SPINT2: variants seen among roughly 807,000 people sequenced by gnomAD.
The protein encoded by SPINT2 is serine peptidase inhibitor, Kunitz type 2.
Under a neutral mutation model 30.1 loss-of-function variants are expected in SPINT2, and 18 were observed. The ratio of observed to expected loss-of-function variants is 0.60; its 90% CI spans 0.41 to 0.89. The LOEUF (loss-of-function observed/expected upper bound fraction) is 0.89, where lower values mean the gene tolerates loss of function less well. SPINT2 is among the 40% of genes least tolerant of loss of function. The probability of loss-of-function intolerance (pLI) is 0.00; values close to 1 mark genes in which losing one functional copy is unlikely to be tolerated. For synonymous variants in SPINT2, 139 were observed against 137.9 expected (o/e 1.01, Z -0.05); for missense variants, 276 against 334.3 (o/e 0.83, Z 1.36).
chr19:38,287,896 GCCA>G lies in SPINT2; in HGVS notation c.302_304del (p.Thr101del). The G allele has an allele frequency of 6.2e-7, 1 of 1,614,190 alleles. No individual in the cohort carries two copies. The highest frequency in any genetic ancestry group is 8.5e-7 in the Non-Finnish European group (1 of 1,180,022). The stretch of plus-strand genomic sequence containing the variant: ...TGCAGAGAATGCCACGGGTGACCTG[GCCA>G]CCAGCAGGAATGCAGCGGATTCCTC... On this transcript the variant is annotated inframe_deletion, in exon 3 of 7. Transcript: ENST00000301244.
rs756781647 is a variant in SPINT2, at chr19:38,283,736, C to T, written c.216C>T (p.Asp72=). ...AGCTGTTTGTGTATGGGGGCTGTGA[C>T]GGAAACAGCAATAATTACCTGACCA... ...SCQLFVYGGC[D]GNSNNYLTKE... Residue 72 remains aspartate, a synonymous_variant, in exon 2 of 7, where the codon GAC becomes GAT. Transcript: ENST00000301244. The T allele has an allele frequency of 9.9e-6, 16 of 1,612,916 alleles. No individual in the cohort carries two copies. The Admixed American group carries it at 1.3e-4, about 13-fold the overall frequency.
At chr19:38,273,893 T>TA (rs932755119) in intron 1 of SPINT2, among the ~76,000 whole-genome samples, 1 of 152,152 alleles carries the variant, frequency 6.6e-6, no homozygotes, top group African/African-American at 2.4e-5. Flanking sequence ...CCTGTCTTCA[T>TA]AAAAAATACA....
At chr19:38,286,093 G>C (rs980743663) in intron 2 of SPINT2, among the ~76,000 whole-genome samples, 1 of 152,172 alleles carries the variant, frequency 6.6e-6, no homozygotes, top group Non-Finnish European at 1.5e-5. Context: ...TGCAATGTGT[G>C]TCTCTCGAGG....
intron 3 of SPINT2, 32 bp from the exon 4 acceptor site, chr19:38,289,106 C>T: frequency 4.3e-6 from 7 of 1,610,572 alleles, no homozygotes; most frequent in Non-Finnish European, 5.1e-6. Context: ...GTGTCCGGCC[C>T]AGCCTCCCTA....
chr19:38,289,026 CCTT>C, intron 3 of SPINT2, 109 bp from the exon 4 acceptor site: 1 of 942,102 alleles, frequency 1.1e-6, no homozygotes, highest in South Asian at 1.3e-5. Context: ...GCTACACACC[CCTT>C]CTTAAAGGCG....
At position 38,264,766 on chromosome 19, in the gene SPINT2, C is replaced by A; in HGVS notation, c.-127C>A. 2 of 1,001,632 alleles carry A rather than the reference C, an allele frequency of 2.0e-6. No individual in the cohort carries two copies. Among genetic ancestry groups the A allele is most frequent in the South Asian group, 1.5e-5 (1 of 65,710 alleles). 62.0% of individuals were successfully genotyped at this position (1,001,632 alleles called of 1,614,324 possible). A position where few individuals can be genotyped will look rare whatever the true frequency, so the allele number is the denominator to read the frequency against. ...CCGGGGGCTTTGGCACCTGGCGGACCCTCCCGGAGCGTCGGCACCTGAACG... is the reference window on the plus strand; with the variant it reads ...CCGGGGGCTTTGGCACCTGGCGGACACTCCCGGAGCGTCGGCACCTGAACG... On this transcript the variant is annotated 5_prime_UTR_variant, in exon 1 of 7. Coordinates refer to ENST00000301244, the MANE Select transcript of SPINT2 (RefSeq NM_021102.4).
chr19:38,275,852 A>G (rs1968511811), intron 1 of SPINT2, among the ~76,000 whole-genome samples: 1 of 151,576 alleles, frequency 6.6e-6, no homozygotes, highest in African/African-American at 2.4e-5. Context: ...CTCAGCCTCC[A>G]GAATAGCTGG....
intron 2 of SPINT2, among the ~76,000 whole-genome samples, chr19:38,285,080 A>G (rs1968625632): frequency 6.6e-6 from 1 of 152,160 alleles, no homozygotes; most frequent in Admixed American, 6.6e-5. Context: ...CAAGTTACCG[A>G]TCAAGTTAAA....
At chr19:38,281,436 G>A (rs377025965) in intron 1 of SPINT2, among the ~76,000 whole-genome samples, 8 of 152,058 alleles carry the variant, frequency 5.3e-5, no homozygotes, top group Non-Finnish European at 5.9e-5. Flanking sequence ...TAGGCCGGGC[G>A]CGGTGGCTCA....
intron 2 of SPINT2, among the ~76,000 whole-genome samples, chr19:38,286,287 C>G (rs575761482): frequency 2.6e-5 from 4 of 152,110 alleles, no homozygotes; most frequent in Admixed American, 2.0e-4. Flanking sequence ...CTCGTGTCCC[C>G]GGGCCCACGC....
Position 38,264,645 on chromosome 19 carries a change from G to A in SPINT2, c.-248G>A, listed in dbSNP as rs1326356556. The A allele has an allele frequency of 3.8e-6, 2 of 525,244 alleles. No homozygotes were observed. The highest frequency in any genetic ancestry group is 4.1e-5 in the African/African-American group (2 of 49,026). 32.5% of individuals were successfully genotyped at this position (525,244 alleles called of 1,614,324 possible). A position where few individuals can be genotyped will look rare whatever the true frequency, so the allele number is the denominator to read the frequency against. ...CTGAACGCGCTGAGGGCCGTTGAGT[G>A]TCGCAGGCGGCGAGGGCGCGAGTGA... On this transcript the variant is annotated 5_prime_UTR_variant, in exon 1 of 7. Coordinates refer to ENST00000301244, the MANE Select transcript of SPINT2 (RefSeq NM_021102.4).
rs1370702137 is a variant in SPINT2, at chr19:38,291,998, G to A, written c.751G>A (p.Val251Ile). The change falls in exon 7 of 7, where the codon GTC becomes ATC. Residue 251 changes from valine to isoleucine, a missense_variant. Physicochemically the swap from Val to Ile is conservative, Grantham distance 29. Transcript: ENST00000301244. Reference sequence around the variant, plus strand: ...GGAGCAGCTGGTGAAGAACACATATGTCCTGTGACCGCCCTGTCGCCAAGA... The same window carrying A: ...GGAGCAGCTGGTGAAGAACACATATATCCTGTGACCGCCCTGTCGCCAAGA... ...DKEQLVKNTYVL is the reference protein window; with the variant it reads ...DKEQLVKNTYIL The A allele has an allele frequency of 6.2e-7, 1 of 1,614,096 alleles. No individual in the cohort carries two copies. Among genetic ancestry groups the A allele is most frequent in the Admixed American group, 1.7e-5 (1 of 59,998 alleles).
At chr19:38,288,928 G>T (rs898105485) in intron 3 of SPINT2, 34 of 576,098 alleles carry the variant, frequency 5.9e-5, no homozygotes, top group African/African-American at 5.6e-4. Context: ...CCCTGAGGTG[G>T]CGGCAGGGCC....
chr19:38,269,363 A>C (rs1202666146), intron 1 of SPINT2, among the ~76,000 whole-genome samples: 2 of 148,642 alleles, frequency 1.3e-5, no homozygotes, highest in Admixed American at 6.7e-5. Flanking sequence ...CACTGGAGGC[A>C]AGCAGGGCAA....
chr19:38,291,060 G>C (rs1273138022), intron 6 of SPINT2: 1 of 221,964 alleles, frequency 4.5e-6, no homozygotes, highest in Admixed American at 5.2e-5. Flanking sequence ...ATGCCAGTCT[G>C]GCCTCTTTCT....
intron 4 of SPINT2, chr19:38,289,669 G>A (rs998224910): frequency 1.6e-4 from 42 of 270,784 alleles, no homozygotes; most frequent in African/African-American, 7.2e-4. Flanking sequence ...CAGGCCCCAC[G>A]TGGATGCCGC....
In SPINT2 at chr19:38,290,317, CT is replaced by C; in HGVS notation, c.553+39del. The C allele has an allele frequency of 6.2e-7, 1 of 1,606,010 alleles. No homozygotes were observed. Among genetic ancestry groups the C allele is most frequent in the Non-Finnish European group, 8.5e-7 (1 of 1,177,282 alleles). On this transcript the variant is annotated intron_variant, in intron 5 of 6. Coordinates refer to ENST00000301244, the MANE Select transcript of SPINT2 (RefSeq NM_021102.4). This position sits in a 1 kb window ranked among gnomAD's most constrained non-coding sequence, Gnocchi z 4.3. ...GCCCCTCAGCCCAGGAAGCCCTGCC[CT>C]TGAGGACCCCGGTCCATCTCCCCAT...
intron 6 of SPINT2, chr19:38,291,499 C>T (rs1348728579): frequency 1.7e-5 from 5 of 294,980 alleles, no homozygotes; most frequent in Non-Finnish European, 3.3e-5. Flanking sequence ...GTGTTTTTTA[C>T]ACCCTTGTGC....
At chr19:38,275,261 ATTCT>A (rs1420039938) in intron 1 of SPINT2, among the ~76,000 whole-genome samples, 2 of 152,164 alleles carry the variant, frequency 1.3e-5, no homozygotes, top group Non-Finnish European at 2.9e-5. Context: ...CTAAATAAAC[ATTCT>A]TTCTGTTTGT....
Sources: allele counts gnomAD v4.1 joint callset (sites outside exome capture counted in the v4.1 genomes callset), GRCh38; gene constraint gnomAD v4.1.1; non-coding constraint Gnocchi (gnomAD v3.1); transcripts MANE v1.5; gene names NCBI Gene and HGNC (gene_info 2026-07-23, HGNC 2026-07-21).